The following RYR3 variants were observed in gnomAD, a reference collection of about 807,000 sequenced individuals.
RYR3 encodes the protein brain ryanodine receptor-calcium release channel.
Under a neutral mutation model 584.3 loss-of-function variants are expected in RYR3, and 207 were observed. That is an observed-to-expected ratio of 0.35 (90% CI 0.32 to 0.40). RYR3 has a LOEUF of 0.40. Among genes scored for constraint, RYR3 ranks in the 10% least tolerant of loss-of-function variants. The pLI, the probability that RYR3 is intolerant of heterozygous loss-of-function variation, is 1.00. For missense variants in RYR3, 5,616 were observed against 6,089.2 expected (o/e 0.92, Z 2.59); for synonymous variants, 2,416 against 2,248.5 (o/e 1.07, Z -2.11).
At chr15:33,579,367 A>AG in intron 12 of RYR3, among the ~76,000 whole-genome samples, 1 of 151,434 alleles carries the variant, frequency 6.6e-6, no homozygotes, top group Non-Finnish European at 1.5e-5. Context: ...AGAGACGTGG[A>AG]GGGGGGTGCA....
chr15:33,664,895 G>T (rs1297485892), intron 36 of RYR3, among the ~76,000 whole-genome samples: 4 of 152,052 alleles, frequency 2.6e-5, no homozygotes, highest in African/African-American at 9.7e-5. Context: ...GCTTAAAAAT[G>T]AATGACATAT....
chr15:33,490,269 CTGTT>C (rs2050854281), intron 2 of RYR3, among the ~76,000 whole-genome samples: 1 of 152,196 alleles, frequency 6.6e-6, no homozygotes, highest in South Asian at 2.1e-4. Flanking sequence ...TACAAGAAAG[CTGTT>C]TGTAAGCCTC....
chr15:33,654,161 G>T (rs2062679152), intron 32 of RYR3, among the ~76,000 whole-genome samples: 1 of 152,084 alleles, frequency 6.6e-6, no homozygotes, highest in Non-Finnish European at 1.5e-5. Flanking sequence ...TCCATCACAA[G>T]CAGTCAGGAG....
chr15:33,566,800 G>T lies in RYR3; in HGVS notation c.1268+1G>T. 1.2e-6 allele frequency: 2 copies of T among 1,613,652 alleles called. No individual in the cohort carries two copies. Among genetic ancestry groups the T allele is most frequent in the Non-Finnish European group, 1.7e-6 (2 of 1,179,650 alleles). On this transcript the variant is annotated splice_donor_variant, in intron 12 of 103. Transcript: ENST00000634891. LOFTEE classifies it high-confidence loss of function. Reference sequence around the variant, plus strand: ...CAGCCTTATTCAGCCAGTTTGTCAGGTATGTTAGCTCCTTTCCTCCTCTAC... The same window carrying T: ...CAGCCTTATTCAGCCAGTTTGTCAGTTATGTTAGCTCCTTTCCTCCTCTAC...
Position 33,669,335 on chromosome 15 carries a change from C to T in RYR3, c.5620-19C>T, listed in dbSNP as rs748141613. On this transcript the variant is annotated intron_variant, in intron 36 of 103. Coordinates refer to ENST00000634891, the MANE Select transcript of RYR3 (RefSeq NM_001036.6). ...CAACATTGAGAACCAACTAGCTATT[C>T]TTCTCTTGCCTCTCAAAGATCAACA... 3.1e-6 allele frequency: 5 copies of T among 1,607,626 alleles called. No homozygotes were observed. The highest frequency in any genetic ancestry group is 4.3e-6 in the Non-Finnish European group (5 of 1,174,374).
At chr15:33,831,632 A>T (rs2077681444) in intron 86 of RYR3, among the ~76,000 whole-genome samples, 1 of 152,356 alleles carries the variant, frequency 6.6e-6, no homozygotes, top group Admixed American at 6.5e-5. Context: ...ATTTCATGTT[A>T]ACTGTCTAGA....
At chr15:33,683,155 C>T (rs567609645) in intron 38 of RYR3, among the ~76,000 whole-genome samples, 32 of 152,030 alleles carry the variant, frequency 2.1e-4, no homozygotes, top group African/African-American at 5.8e-4. Flanking sequence ...CCACCATGCC[C>T]GGCTAATTTT....
At chr15:33,847,231 CGTGA>C (rs1567310169) in intron 93 of RYR3, 1 of 152,178 alleles carries the variant, frequency 6.6e-6, no homozygotes, top group Non-Finnish European at 1.5e-5. Flanking sequence ...ACCTTCCTAT[CGTGA>C]GTTTTTCATT....
intron 70 of RYR3, among the ~76,000 whole-genome samples, chr15:33,810,271 A>T (rs1264939321): frequency 6.6e-6 from 1 of 152,218 alleles, no homozygotes; most frequent in Non-Finnish European, 1.5e-5. Flanking sequence ...GTGCATGCGC[A>T]GAAGGAGAAG....
intron 70 of RYR3, among the ~76,000 whole-genome samples, chr15:33,809,661 A>C (rs1412168367): frequency 7.1e-6 from 1 of 141,126 alleles, no homozygotes; most frequent in Non-Finnish European, 1.5e-5. Flanking sequence ...GTTGAGGCCG[A>C]GTCTTGCTCT....
At chr15:33,773,361 A>G (rs893449973) in intron 63 of RYR3, among the ~76,000 whole-genome samples, 173 bp from the exon 64 acceptor site, 1 of 151,972 alleles carries the variant, frequency 6.6e-6, no homozygotes, top group Non-Finnish European at 1.5e-5. Context: ...TTTTTTTCCT[A>G]GTCCAGCAAT....
At chr15:33,712,140 G>A (rs955097712) in intron 43 of RYR3, among the ~76,000 whole-genome samples, 1 of 152,108 alleles carries the variant, frequency 6.6e-6, no homozygotes, top group African/African-American at 2.4e-5. Context: ...GCAGGCATAA[G>A]GCAAGGGGGA....
intron 10 of RYR3, among the ~76,000 whole-genome samples, chr15:33,554,863 A>C (rs946708116): frequency 4.6e-5 from 7 of 152,200 alleles, no homozygotes; most frequent in Non-Finnish European, 8.8e-5. Context: ...GTCAGTTTAC[A>C]GCATTGAATT....
intron 40 of RYR3, among the ~76,000 whole-genome samples, chr15:33,698,817 T>G (rs535375289): frequency 6.6e-6 from 1 of 152,170 alleles, no homozygotes; most frequent in East Asian, 1.9e-4. Flanking sequence ...AGACTACAAG[T>G]TTCTGAACCT....
chr15:33,656,537 A>C (rs752834765), intron 32 of RYR3, among the ~76,000 whole-genome samples: 2 of 152,144 alleles, frequency 1.3e-5, no homozygotes, highest in Non-Finnish European at 2.9e-5. Context: ...GCAGCTTAAA[A>C]CAACACACAT....
intron 24 of RYR3, among the ~76,000 whole-genome samples, chr15:33,633,581 A>G (rs2061364492): frequency 6.6e-6 from 1 of 152,212 alleles, no homozygotes; most frequent in Non-Finnish European, 1.5e-5. Flanking sequence ...TAGGGTTAGT[A>G]TCAGGGACGT....
intron 1 of RYR3, among the ~76,000 whole-genome samples, chr15:33,422,297 A>C (rs974889705): frequency 6.6e-6 from 1 of 152,170 alleles, no homozygotes; most frequent in African/African-American, 2.4e-5. Context: ...TTCATCTTAG[A>C]ATACAGGTGA....
intron 1 of RYR3, among the ~76,000 whole-genome samples, chr15:33,458,927 C>T (rs2142048267): frequency 6.6e-6 from 1 of 152,336 alleles, no homozygotes; most frequent in East Asian, 1.9e-4. Context: ...TTCTTTTTGT[C>T]ATATCCAGAA....
chr15:33,791,301 G>A lies in RYR3; in HGVS notation c.9830+2843G>A, dbSNP rs74008313. On this transcript the variant is annotated intron_variant, in intron 67 of 103. Transcript: ENST00000634891. Reference sequence around the variant, plus strand: ...TCTAAGGCAATGCCCTTGAGCAGGCGAAAGGTCAGCCTCAGGAAATTCATC... The same window carrying A: ...TCTAAGGCAATGCCCTTGAGCAGGCAAAAGGTCAGCCTCAGGAAATTCATC... Among the ~76,000 whole-genome samples, 3,309 of 152,220 alleles carry A rather than the reference G, an allele frequency of 0.022. 243 individuals are homozygous for A. The East Asian group carries it at 0.27, about 12-fold the overall frequency.
Sources: gnomAD v4.1 joint callset for allele counts (sites outside exome capture counted in the v4.1 genomes callset) on GRCh38, gnomAD v4.1.1 for gene constraint, MANE v1.5 for transcripts, NCBI Gene and HGNC (gene_info 2026-07-23, HGNC 2026-07-21) for gene names.